Variants in BRPF3 observed in about 807,000 individuals in gnomAD.
BRPF3 encodes the protein bromodomain and PHD finger-containing protein 3.
Under a neutral mutation model 102.0 loss-of-function variants are expected in BRPF3, and 18 were observed. The observed-to-expected ratio is 0.18, with a 90% CI of 0.12 to 0.26. BRPF3 has a LOEUF of 0.26. Among genes scored for constraint, BRPF3 ranks in the 10% least tolerant of loss-of-function variants. The pLI is 1.00. For missense variants in BRPF3, 1,147 were observed against 1,567.8 expected, an observed-to-expected ratio of 0.73 and a Z score of 4.53; for synonymous variants, 570 against 614.2, an observed-to-expected ratio of 0.93 and a Z score of 1.06.
intron 8 of BRPF3, 35 bp downstream of exon 8, chr6:36,214,421 A>G (rs1561828877): frequency 2.0e-6 from 3 of 1,516,648 alleles, no homozygotes; most frequent in South Asian, 1.3e-5. Flanking sequence ...GATACTTCGC[A>G]TCTGCTTTTC....
rs1472934249 is a variant in BRPF3, at chr6:36,204,660, T to G, written c.1451T>G (p.Leu484Trp). 6.2e-7 allele frequency: 1 copy of G among 1,614,222 alleles called. No homozygotes were observed. Among genetic ancestry groups the G allele is most frequent in the Non-Finnish European group, 8.5e-7 (1 of 1,180,020 alleles). Residue 484 changes from leucine (L) to tryptophan (W), a missense_variant and splice_region_variant, in exon 3 of 13, where the codon TTG becomes TGG. By Grantham distance (61) the Leu-to-Trp change is moderately conservative. Transcript: ENST00000357641. ...LAVPQIPSYR[L>W]NKICSGLSFQ... ...ACTTCCGTGTGCCTCTACTCAAGGTTGAACAAGATCTGTAGTGGTCTCTCC... is the reference window on the plus strand; with the variant it reads ...ACTTCCGTGTGCCTCTACTCAAGGTGGAACAAGATCTGTAGTGGTCTCTCC...
chr6:36,209,673 T>C, intron 4 of BRPF3, 114 bp from the exon 5 acceptor site: 1 of 1,365,582 alleles, frequency 7.3e-7, no homozygotes, highest in Non-Finnish European at 1.0e-6. Context: ...GTCAGCTTAA[T>C]ATTCTATGAA....
At position 36,201,780 on chromosome 6, in the gene BRPF3, C is replaced by T. The variant is rs1427260785; in HGVS notation, c.1448+10C>T. On this transcript the variant is annotated intron_variant, in intron 2 of 12. Coordinates refer to ENST00000357641, the MANE Select transcript of BRPF3 (RefSeq NM_015695.3). The surrounding 1 kb of genome is among the most constrained non-coding windows in gnomAD (Gnocchi z 5.1). ...AGATACCCTCTTACAGGTAAGCATG[C>T]CCAGAAGGGCTCCTTAGGGACTCAT... 2 of 1,580,534 alleles carry T rather than the reference C, an allele frequency of 1.3e-6. No homozygotes were observed. Among genetic ancestry groups the T allele is most frequent in the Admixed American group, 1.8e-5 (1 of 55,638 alleles).
In BRPF3 at chr6:36,201,894, T is replaced by G; in HGVS notation, c.1448+124T>G. The G allele has an allele frequency of 7.2e-7, 1 of 1,394,756 alleles. No homozygotes were observed. Among genetic ancestry groups the G allele is most frequent in the South Asian group, 1.6e-5 (1 of 64,168 alleles). The allele number at this position is 1,394,756 out of a possible 1,614,324, so 86.4% of individuals were successfully genotyped here. On this transcript the variant is annotated intron_variant, in intron 2 of 12. Coordinates refer to ENST00000357641, the MANE Select transcript of BRPF3 (RefSeq NM_015695.3). This position sits in a 1 kb window ranked among gnomAD's most constrained non-coding sequence, Gnocchi z 5.1. The stretch of plus-strand genomic sequence containing the variant: ...ATCCTCCTCCCCGAATTTAAACTCT[T>G]CCTTTTGACCCCAGGCTCACCTGGC...
At position 36,218,069 on chromosome 6, in the gene BRPF3, A is replaced by G. The variant is rs1349231589; in HGVS notation, c.3083+59A>G. The stretch of plus-strand genomic sequence containing the variant: ...TCTGCTACCCCTCCTTTTACTCTCC[A>G]TTCAGCTACAGATTGAACCTCTTCC... On this transcript the variant is annotated intron_variant, in intron 9 of 12. Transcript: ENST00000357641. 10 of 1,435,392 alleles carry G rather than the reference A, an allele frequency of 7.0e-6. No individual in the cohort carries two copies. In the African/African-American group the frequency reaches 1.0e-4, roughly 14 times the overall value. 88.9% of individuals were successfully genotyped at this position (1,435,392 alleles called of 1,614,324 possible).
intron 12 of BRPF3, among the ~76,000 whole-genome samples, chr6:36,229,346 G>A (rs1381690604): frequency 1.3e-5 from 2 of 152,230 alleles, no homozygotes; most frequent in African/African-American, 4.8e-5. Context: ...CCCACTTGCT[G>A]CCTCAGCTCA....
intron 9 of BRPF3, among the ~76,000 whole-genome samples, chr6:36,220,782 A>G (rs1768506991): frequency 6.6e-6 from 1 of 152,220 alleles, no homozygotes; most frequent in Non-Finnish European, 1.5e-5. Flanking sequence ...GACTAGCAAT[A>G]AAAACTACCA....
chr6:36,211,052 C>T (rs949723258), intron 6 of BRPF3: 12 of 617,990 alleles, frequency 1.9e-5, no homozygotes, highest in Admixed American at 3.0e-5. Context: ...CTGCTTCCTG[C>T]AGACGTTTCC....
chr6:36,202,641 A>C (rs1294185682), intron 2 of BRPF3, among the ~76,000 whole-genome samples: 1 of 152,160 alleles, frequency 6.6e-6, no homozygotes, highest in Admixed American at 6.5e-5. Context: ...TAGTCCTTGC[A>C]CCTTCTCCCA....
chr6:36,228,453 CCT>C (rs1157726411), intron 11 of BRPF3, among the ~76,000 whole-genome samples: 1 of 152,182 alleles, frequency 6.6e-6, no homozygotes, highest in African/African-American at 2.4e-5. Context: ...TCTCCATCAA[CCT>C]CCAAGCTCAT....
In BRPF3 at chr6:36,211,474, A is replaced by G. The variant is rs143110615; in HGVS notation, c.2396A>G (p.Asn799Ser). ...QPPSLNKTVS[N>S]GELPAGPQGD... Reference sequence around the variant, plus strand: ...CCATCACTCAACAAGACAGTATCCAATGGGGAGCTGCCAGCAGGGCCCCAG... The same window carrying G: ...CCATCACTCAACAAGACAGTATCCAGTGGGGAGCTGCCAGCAGGGCCCCAG... Residue 799 changes from asparagine (N) to serine (S), a missense_variant, in exon 7 of 13, where the codon AAT (asparagine) becomes AGT (serine). Asn to Ser is a conservative substitution (Grantham distance 46, BLOSUM62 1). This residue lies in a region of BRPF3 where 379 missense variants were observed against 426.3 expected (regional missense o/e 0.89). Coordinates refer to ENST00000357641, the MANE Select transcript of BRPF3 (RefSeq NM_015695.3). The G allele has an allele frequency of 1.0e-5, 16 of 1,594,460 alleles. No homozygotes were observed. Among genetic ancestry groups the G allele is most frequent in the East Asian group, 2.3e-5 (1 of 43,458 alleles).
chr6:36,197,617 TG>T (rs1324290671), intron 1 of BRPF3: 2 of 28,200 alleles, frequency 7.1e-5, no homozygotes, highest in Admixed American at 4.6e-4. Context: ...GGGACCTGGA[TG>T]GGGTGGGTGA....
Position 36,230,611 on chromosome 6 carries a change from G to C in BRPF3, c.*2G>C, listed in dbSNP as rs1240386849. 1.9e-6 allele frequency: 3 copies of C among 1,604,336 alleles called. No homozygotes were observed. In the African/African-American group the frequency reaches 4.2e-5, roughly 23 times the overall value. On this transcript the variant is annotated 3_prime_UTR_variant, in exon 13 of 13. Coordinates refer to ENST00000357641, the MANE Select transcript of BRPF3 (RefSeq NM_015695.3). This position sits in a 1 kb window ranked among gnomAD's most constrained non-coding sequence, Gnocchi z 5.4. ...TTCGTCACTTCCAGCTACCTGTAAGGGCAGGGCTGGGCCTGCATCCGCTTG... is the reference window on the plus strand; with the variant it reads ...TTCGTCACTTCCAGCTACCTGTAAGCGCAGGGCTGGGCCTGCATCCGCTTG...
Position 36,210,065 on chromosome 6 carries a change from G to A in BRPF3, c.1866+150G>A. On this transcript the variant is annotated intron_variant, in intron 5 of 12. Coordinates refer to ENST00000357641, the MANE Select transcript of BRPF3 (RefSeq NM_015695.3). This position sits in a 1 kb window ranked among gnomAD's most constrained non-coding sequence, Gnocchi z 4.7. ...CTAGTAGACTTGCCCTTGATGAGGG[G>A]TCAGCAGGCCAGGGTGGGCCAGGAC... is the stretch of plus-strand genomic sequence containing the variant. 1.4e-6 allele frequency: 2 copies of A among 1,409,516 alleles called. No individual in the cohort carries two copies. Among genetic ancestry groups the A allele is most frequent in the Non-Finnish European group, 9.8e-7 (1 of 1,020,232 alleles). The allele number at this position is 1,409,516 out of a possible 1,614,324, so 87.3% of individuals were successfully genotyped here.
At chr6:36,223,714 ATTG>A (rs1456825193) in intron 10 of BRPF3, among the ~76,000 whole-genome samples, 2 of 152,070 alleles carry the variant, frequency 1.3e-5, no homozygotes, top group African/African-American at 4.8e-5. Context: ...TAACCATTCT[ATTG>A]TTAGGCATTT....
intron 8 of BRPF3, among the ~76,000 whole-genome samples, chr6:36,216,686 C>G (rs375463339): frequency 3.3e-5 from 5 of 152,272 alleles, no homozygotes; most frequent in South Asian, 2.1e-4. Context: ...GGTGCCTGGC[C>G]CATCTCTGTA....
rs979771985 is a variant in BRPF3, at chr6:36,231,745, C to A, written c.*1136C>A. 2.6e-5 allele frequency: 4 copies of A among 152,572 alleles called. No individual in the cohort carries two copies. The highest frequency in any genetic ancestry group is 4.4e-5 in the Non-Finnish European group (3 of 68,120). 9.5% of individuals were successfully genotyped at this position (152,572 alleles called of 1,614,324 possible). ...GGGAATGCATTACTTTTATTTCAAA[C>A]CCTCTGCCTCCTTCCTTCTTTCTCT... is the stretch of plus-strand genomic sequence containing the variant. On this transcript the variant is annotated 3_prime_UTR_variant, in exon 13 of 13. Coordinates refer to ENST00000357641, the MANE Select transcript of BRPF3 (RefSeq NM_015695.3).
At chr6:36,222,472 T>G (rs550858767) in intron 10 of BRPF3, among the ~76,000 whole-genome samples, 1 of 151,976 alleles carries the variant, frequency 6.6e-6, no homozygotes, top group East Asian at 1.9e-4. Context: ...TTGAATAGGT[T>G]GTACATGCCC....
intron 11 of BRPF3, among the ~76,000 whole-genome samples, chr6:36,228,612 C>T (rs557025194): frequency 1.3e-5 from 2 of 152,252 alleles, no homozygotes; most frequent in East Asian, 1.9e-4. Flanking sequence ...ATGGCCTTCC[C>T]GATGCAAAGC....
Sources: gnomAD v4.1 joint callset for allele counts (sites outside exome capture counted in the v4.1 genomes callset) on GRCh38, gnomAD v4.1.1 for gene constraint, gnomAD v4.1.1 regional missense constraint, Gnocchi (gnomAD v3.1) non-coding constraint, MANE v1.5 for transcripts, NCBI Gene and HGNC (gene_info 2026-07-23, HGNC 2026-07-21) for gene names.